The following NBEA variants were observed in gnomAD, a reference collection of about 807,000 sequenced individuals.
NBEA encodes the protein neurobeachin.
In NBEA, 44 loss-of-function variants were observed where a neutral mutation model predicts 343.4. The ratio of observed to expected loss-of-function variants is 0.13; its 90% confidence interval spans 0.10 to 0.16. The LOEUF (loss-of-function observed/expected upper bound fraction) is 0.16. NBEA is among the 10% of genes least tolerant of loss of function. The pLI is 1.00. For missense variants in NBEA, 2,555 were observed against 3,631.3 expected (o/e 0.70, Z 7.62); for synonymous variants, 1,175 against 1,238.7 (o/e 0.95, Z 1.08).
At chr13:35,279,007 A>G (rs952890738) in intron 34 of NBEA, among the ~76,000 whole-genome samples, 1 of 152,212 alleles carries the variant, frequency 6.6e-6, no homozygotes, top group Non-Finnish European at 1.5e-5. Context: ...TAACTTTAAA[A>G]TATTAAAACT....
At chr13:35,265,434 T>C (rs572127296) in intron 34 of NBEA, among the ~76,000 whole-genome samples, 2 of 151,742 alleles carry the variant, frequency 1.3e-5, no homozygotes, top group Non-Finnish European at 3.0e-5. Flanking sequence ...TAAAAAAAAT[T>C]TGAGGCATCA....
intron 51 of NBEA, among the ~76,000 whole-genome samples, chr13:35,648,513 T>A (rs1046074654): frequency 6.6e-6 from 1 of 152,122 alleles, no homozygotes; most frequent in Non-Finnish European, 1.5e-5. Flanking sequence ...ATATTTATCC[T>A]GGAGATATGC....
chr13:35,555,180 T>A, intron 44 of NBEA, 78 bp downstream of exon 44: 1 of 726,956 alleles, frequency 1.4e-6, no homozygotes, highest in Non-Finnish European at 2.1e-6. Flanking sequence ...ATATAATACA[T>A]TTTTCTCTTT....
intron 40 of NBEA, 142 bp from the exon 41 acceptor site, chr13:35,472,258 C>A (rs1352500270): frequency 5.1e-6 from 4 of 787,554 alleles, no homozygotes; most frequent in African/African-American, 3.5e-5. Context: ...CCTTATCTTA[C>A]GTGAAAAAAG....
chr13:35,566,016 A>G (rs1203758741), intron 44 of NBEA, among the ~76,000 whole-genome samples: 1 of 152,204 alleles, frequency 6.6e-6, no homozygotes, highest in Non-Finnish European at 1.5e-5. Flanking sequence ...TAAGTTTAAC[A>G]TAGTATTCTG....
intron 45 of NBEA, among the ~76,000 whole-genome samples, chr13:35,574,634 C>T (rs1202787747): frequency 6.6e-6 from 1 of 152,044 alleles, no homozygotes; most frequent in Middle Eastern, 3.2e-3. Context: ...GTCTGTAATC[C>T]TAGCACTTTG....
intron 38 of NBEA, among the ~76,000 whole-genome samples, chr13:35,412,552 A>G (rs982075271): frequency 2.6e-5 from 4 of 152,212 alleles, no homozygotes; most frequent in African/African-American, 9.6e-5. Context: ...TCATGCTGAT[A>G]TTTACCTAGT....
chr13:35,001,102 TG>T (rs1856763762), intron 1 of NBEA, among the ~76,000 whole-genome samples: 1 of 152,070 alleles, frequency 6.6e-6, no homozygotes, highest in Non-Finnish European at 1.5e-5. Context: ...GTGTCTGATT[TG>T]TGGCGTAGTT....
At chr13:35,478,802 C>A (rs1044981534) in intron 41 of NBEA, among the ~76,000 whole-genome samples, 1 of 152,216 alleles carries the variant, frequency 6.6e-6, no homozygotes, top group African/African-American at 2.4e-5. Flanking sequence ...AGACCTCGCC[C>A]CTTGCCTTCT....
At chr13:35,541,853 C>G (rs1038323434) in intron 41 of NBEA, among the ~76,000 whole-genome samples, 6 of 151,976 alleles carry the variant, frequency 3.9e-5, no homozygotes, top group Non-Finnish European at 7.4e-5. Context: ...GTGCCAGGCA[C>G]TGTGCTGAGC....
chr13:35,278,146 C>A, intron 34 of NBEA, among the ~76,000 whole-genome samples: 1 of 148,368 alleles, frequency 6.7e-6, no homozygotes, highest in Non-Finnish European at 1.5e-5. Context: ...TATATGCACA[C>A]ATATATATGC....
chr13:35,272,496 C>T (rs2034243524), intron 34 of NBEA, among the ~76,000 whole-genome samples: 1 of 152,168 alleles, frequency 6.6e-6, no homozygotes, highest in African/African-American at 2.4e-5. Flanking sequence ...ATCAAATTCA[C>T]ACATAACAAT....
intron 48 of NBEA, among the ~76,000 whole-genome samples, chr13:35,614,033 A>G (rs1327558255): frequency 6.6e-6 from 1 of 152,178 alleles, no homozygotes; most frequent in Non-Finnish European, 1.5e-5. Context: ...CTTTTTTATA[A>G]TAGCCAATCT....
intron 55 of NBEA, among the ~76,000 whole-genome samples, chr13:35,660,724 A>G (rs2085051729): frequency 6.6e-6 from 1 of 152,194 alleles, no homozygotes. Flanking sequence ...CACAACTGCC[A>G]CTAACCAGTG....
rs141168855 is a variant in NBEA at position 34,953,243 on chromosome 13, C to T, written c.294+10129C>T. 6.9e-4 allele frequency among the ~76,000 whole-genome samples: 105 copies of T among 152,206 alleles called. No homozygotes were observed. The East Asian group carries it at 7.5e-3, about 11-fold the overall frequency. ...GTGTTTTCAACTCTGAATATATAAA[C>T]GATACTTGATTATAAAATGTCATAG... is the stretch of plus-strand genomic sequence containing the variant. On this transcript the variant is annotated intron_variant, in intron 1 of 58. Coordinates refer to ENST00000379939, the MANE Select transcript of NBEA (RefSeq NM_001385012.1).
chr13:35,634,196 A>G (rs571892265), intron 49 of NBEA, among the ~76,000 whole-genome samples: 3 of 152,134 alleles, frequency 2.0e-5, no homozygotes, highest in Non-Finnish European at 4.4e-5. Context: ...TACAAAAAAT[A>G]GCTGGGCGTG....
At chr13:35,385,569 G>A (rs1278244109) in intron 38 of NBEA, among the ~76,000 whole-genome samples, 1 of 152,004 alleles carries the variant, frequency 6.6e-6, no homozygotes, top group Non-Finnish European at 1.5e-5. Context: ...CAGGTGTGGT[G>A]GTGTGTTCCT....
intron 46 of NBEA, among the ~76,000 whole-genome samples, chr13:35,590,584 G>C (rs559148749): frequency 6.6e-6 from 1 of 152,206 alleles, no homozygotes; most frequent in South Asian, 2.1e-4. Context: ...ACAGGATTTT[G>C]TAATTTAGGT....
chr13:35,133,801 T>C (rs1033235008), intron 17 of NBEA, among the ~76,000 whole-genome samples: 3 of 151,980 alleles, frequency 2.0e-5, no homozygotes, highest in Non-Finnish European at 4.4e-5. Flanking sequence ...AAGACGTACA[T>C]GGGAATAAAA....
Sources: gnomAD v4.1 joint callset for allele counts (sites outside exome capture counted in the v4.1 genomes callset) on GRCh38, gnomAD v4.1.1 for gene constraint, MANE v1.5 for transcripts, NCBI Gene and HGNC (gene_info 2026-07-23, HGNC 2026-07-21) for gene names.